The following TAB1 variants were observed in gnomAD, a reference collection of about 807,000 sequenced individuals.
TAB1 encodes the protein TGF-beta activated kinase 1 (MAP3K7) binding protein 1, also known as TGF-beta-activated kinase 1 and MAP3K7-binding protein 1.
A neutral mutation model predicts 54.5 loss-of-function variants in TAB1; 30 were observed. The ratio of observed to expected loss-of-function variants is 0.55; its 90% CI spans 0.41 to 0.75. The LOEUF (loss-of-function observed/expected upper bound fraction) is 0.75. Ranked by LOEUF, TAB1 falls within the 30% of genes least tolerant of loss-of-function variation. The probability of loss-of-function intolerance (pLI) is 0.00; values close to 1 mark genes in which losing one functional copy is unlikely to be tolerated. For synonymous variants in TAB1, 289 were observed against 286.9 expected (o/e 1.01, Z -0.07); for missense variants, 609 against 683.2 (o/e 0.89, Z 1.21).
chr22:39,434,154 T>C (rs1294247480), downstream of TAB1, among the ~76,000 whole-genome samples: 1 of 152,152 alleles, frequency 6.6e-6, no homozygotes, highest in East Asian at 1.9e-4. Flanking sequence ...GCTGAACACA[T>C]CGAGTGGCCA....
At chr22:39,420,451 T>G (rs1255312758) in intron 7 of TAB1, among the ~76,000 whole-genome samples, 1 of 152,192 alleles carries the variant, frequency 6.6e-6, no homozygotes, top group African/African-American at 2.4e-5. Context: ...TGGCATTTAA[T>G]GTCATGGCCA....
intron 1 of TAB1, among the ~76,000 whole-genome samples, chr22:39,400,605 G>C (rs1056262573): frequency 1.3e-5 from 2 of 152,210 alleles, no homozygotes; most frequent in East Asian, 3.8e-4. Flanking sequence ...CCTCTGACGC[G>C]TATGTGCACA....
chr22:39,433,000 A>G (rs1927645155), downstream of TAB1: 2 of 985,262 alleles, frequency 2.0e-6, no homozygotes, highest in African/African-American at 3.5e-5. Flanking sequence ...GGTCACTGCC[A>G]CCGTCCACGT....
chr22:39,427,991 C>A (rs368355471), intron 9 of TAB1, 30 bp from the exon 10 acceptor site: 145 of 1,551,454 alleles, frequency 9.3e-5, no homozygotes, highest in Non-Finnish European at 1.8e-5. Context: ...TCAGCTGCTG[C>A]CTGAGGCCCC....
rs201759324 is a variant in TAB1 at position 39,412,197 on chromosome 22, GC to G, written c.34-2806del. Among the ~76,000 whole-genome samples the G allele has an allele frequency of 8.0e-3, 1,212 of 152,090 alleles. 1 individual carries two copies. Among genetic ancestry groups the G allele is most frequent in the Non-Finnish European group, 0.012 (827 of 67,980 alleles). On this transcript the variant is annotated intron_variant, in intron 1 of 10. Coordinates refer to ENST00000216160, the MANE Select transcript of TAB1 (RefSeq NM_006116.3). ...TGGAATTACAGGTGTGCGCCACCAC[GC>G]CCGGCTGATTTTTGTATTTTCAGTA...
chr22:39,405,061 A>G (rs989139237), intron 1 of TAB1, among the ~76,000 whole-genome samples: 29 of 152,242 alleles, frequency 1.9e-4, no homozygotes, highest in African/African-American at 6.5e-4. Context: ...GGGTGCTTTT[A>G]CCACAAAAAC....
At chr22:39,422,001 G>A (rs1029421627) in intron 8 of TAB1, 30 bp downstream of exon 8, 36 of 1,498,522 alleles carry the variant, frequency 2.4e-5, no homozygotes, top group African/African-American at 1.0e-4. Context: ...GCCCATGGCC[G>A]GAGAGCGTGG....
intron 5 of TAB1, 84 bp from the exon 6 acceptor site, chr22:39,418,648 C>A: frequency 1.9e-6 from 2 of 1,049,716 alleles, no homozygotes; most frequent in Non-Finnish European, 3.0e-6. Flanking sequence ...TGTGAAATGC[C>A]TGCCTTTTCC....
chr22:39,436,154 G>T (rs548065761), downstream of TAB1, among the ~76,000 whole-genome samples: 1 of 152,124 alleles, frequency 6.6e-6, no homozygotes, highest in Admixed American at 6.5e-5. Context: ...GTAGCCAGGC[G>T]TTGTGGTGCA....
chr22:39,423,386 C>T (rs1927178378), intron 8 of TAB1, among the ~76,000 whole-genome samples: 1 of 152,194 alleles, frequency 6.6e-6, no homozygotes, highest in South Asian at 2.1e-4. Context: ...AGGCGGATCA[C>T]TTGAGGTCAG....
chr22:39,403,656 T>TA (rs1926241228), intron 1 of TAB1, among the ~76,000 whole-genome samples: 1 of 151,174 alleles, frequency 6.6e-6, no homozygotes, highest in African/African-American at 2.4e-5. Flanking sequence ...TTTTTTTTTT[T>TA]GAGACGGAGT....
chr22:39,420,986 C>G (rs112676626), intron 7 of TAB1, among the ~76,000 whole-genome samples: 21 of 144,636 alleles, frequency 1.5e-4, no homozygotes, highest in African/African-American at 4.8e-4. Context: ...CTGGTGTGTC[C>G]TGCCCCTCCC....
Position 39,430,173 on chromosome 22 carries a change from G to A in TAB1, c.1466G>A (p.Arg489His), listed in dbSNP as rs769248693. 9.3e-6 allele frequency: 15 copies of A among 1,613,616 alleles called. No individual in the cohort carries two copies. The highest frequency in any genetic ancestry group is 1.6e-4 in the Middle Eastern group (1 of 6,084). Residue 489 changes from arginine to histidine, a missense_variant, in exon 11 of 11, where the codon CGC becomes CAC. Coordinates refer to ENST00000216160, the MANE Select transcript of TAB1 (RefSeq NM_006116.3). ...EPYVDFAEFYRLWSVDHGEQS... is the reference protein window; with the variant it reads ...EPYVDFAEFYHLWSVDHGEQS... ...TATGTGGACTTTGCTGAGTTTTACC[G>A]CCTCTGGAGCGTGGACCATGGCGAG...
Position 39,415,068 on chromosome 22 carries a change from C to G in TAB1, c.96C>G (p.Ala32=), listed in dbSNP as rs1926763935. ...PLCHLSGVGS[A]SNRSYSADGK... is the part of the protein sequence containing the mutation. ...GCCACCTCTCTGGGGTTGGCTCAGC[C>G]TCCAACCGCAGCTACTCTGCTGATG... is the stretch of plus-strand genomic sequence containing the variant. Residue 32 remains alanine, a synonymous_variant, in exon 2 of 11, where the codon GCC becomes GCG. Transcript: ENST00000216160. The surrounding 1 kb of genome is among the most constrained non-coding windows in gnomAD (Gnocchi z 4.9). 3 of 1,613,926 alleles carry G rather than the reference C, an allele frequency of 1.9e-6. No homozygotes were observed. Among genetic ancestry groups the G allele is most frequent in the Non-Finnish European group, 2.5e-6 (3 of 1,179,830 alleles).
At chr22:39,432,246 G>A (rs1927614860), downstream of TAB1, among the ~76,000 whole-genome samples, 1 of 152,214 alleles carries the variant, frequency 6.6e-6, no homozygotes, top group Admixed American at 6.5e-5. Flanking sequence ...GAGTGGTGCT[G>A]TGGCCACCCG....
intron 8 of TAB1, 121 bp from the exon 9 acceptor site, chr22:39,426,582 T>A: frequency 1.1e-6 from 1 of 873,420 alleles, no homozygotes; most frequent in Non-Finnish European, 1.7e-6. Flanking sequence ...CTGGCAGGCA[T>A]TTCCTTCACC....
intron 1 of TAB1, among the ~76,000 whole-genome samples, chr22:39,403,846 G>A (rs577623166): frequency 2.4e-4 from 36 of 151,874 alleles, no homozygotes; most frequent in Admixed American, 2.0e-3. Flanking sequence ...GGGTTTCACC[G>A]TGTTAGCCAG....
At chr22:39,404,076 T>TTCCAGTTG (rs1926263280) in intron 1 of TAB1, among the ~76,000 whole-genome samples, 1 of 152,226 alleles carries the variant, frequency 6.6e-6, no homozygotes. Flanking sequence ...AAGTATCAGA[T>TTCCAGTTG]TCCAGTTGTG....
At chr22:39,414,940 T>C (rs1926756594) in intron 1 of TAB1, 66 bp from the exon 2 acceptor site, 2 of 1,598,628 alleles carry the variant, frequency 1.3e-6, no homozygotes, top group Non-Finnish European at 1.7e-6. Flanking sequence ...GCAGAAGGAA[T>C]AGGTGAAGTG....
Sources: allele counts gnomAD v4.1 joint callset (sites outside exome capture counted in the v4.1 genomes callset), GRCh38; gene constraint gnomAD v4.1.1; non-coding constraint Gnocchi (gnomAD v3.1); transcripts MANE v1.5; gene names NCBI Gene and HGNC (gene_info 2026-07-23, HGNC 2026-07-21).